The following AHI1 variants were observed in gnomAD, a reference collection of about 807,000 sequenced individuals.
AHI1 encodes Abelson helper integration site 1.
In AHI1, 123 loss-of-function variants were observed where a neutral mutation model predicts 149.3. That is an observed-to-expected ratio of 0.82 (90% CI 0.71 to 0.96). The LOEUF is 0.96. AHI1 is among the 40% of genes least tolerant of loss of function. The pLI is 0.00. For synonymous variants in AHI1, 475 were observed against 459.8 expected (o/e 1.03, Z -0.42); for missense variants, 1,439 against 1,422.7 (o/e 1.01, Z -0.18).
chr6:135,481,455 C>A (rs1177641281), intron 5 of AHI1, among the ~76,000 whole-genome samples: 1 of 152,050 alleles, frequency 6.6e-6, no homozygotes, highest in African/African-American at 2.4e-5. Context: ...AAATCCAAAA[C>A]GCTCAAATGA....
At chr6:135,405,047 C>A in intron 21 of AHI1, 70 bp from the exon 22 acceptor site, 1 of 1,308,490 alleles carries the variant, frequency 7.6e-7, no homozygotes, top group Non-Finnish European at 1.1e-6. Flanking sequence ...GCAAAACACT[C>A]AGATGTTTAT....
intron 21 of AHI1, among the ~76,000 whole-genome samples, chr6:135,405,205 G>A (rs183892613): frequency 1.3e-5 from 2 of 152,200 alleles, no homozygotes; most frequent in Admixed American, 1.3e-4. Flanking sequence ...AAACTCCCGA[G>A]GGCTCACAGG....
chr6:135,350,494 C>G (rs1044157568), intron 24 of AHI1, among the ~76,000 whole-genome samples: 7 of 151,970 alleles, frequency 4.6e-5, no homozygotes, highest in African/African-American at 1.2e-4. Context: ...CTACTGAAGG[C>G]CTATAAGTAG....
At chr6:135,319,874 A>T (rs1786543300) in intron 25 of AHI1, among the ~76,000 whole-genome samples, 1 of 152,206 alleles carries the variant, frequency 6.6e-6, no homozygotes, top group Non-Finnish European at 1.5e-5. Context: ...TTAAGATACA[A>T]AGAGAGTAAG....
In AHI1 at chr6:135,444,062, GA is replaced by G. The variant is rs572792803; in HGVS notation, c.1780-1349del. ...GCCCTATCCACAACAGACACTCAAT[GA>G]AAGTCTGATAACAACAATAAAGGTC... On this transcript the variant is annotated intron_variant, in intron 13 of 28. Transcript: ENST00000265602. Among the ~76,000 whole-genome samples, 37 of 152,242 alleles carry G rather than the reference GA, an allele frequency of 2.4e-4. No homozygotes were observed. In the East Asian group the frequency reaches 6.9e-3, roughly 29 times the overall value.
At chr6:135,404,377 G>A (rs982619745) in intron 22 of AHI1, among the ~76,000 whole-genome samples, 2 of 152,122 alleles carry the variant, frequency 1.3e-5, no homozygotes, top group Non-Finnish European at 2.9e-5. Flanking sequence ...ACCATTTTTA[G>A]ACTAACTTGG....
chr6:135,291,280 C>A (rs1193751613), intron 27 of AHI1, among the ~76,000 whole-genome samples: 1 of 152,168 alleles, frequency 6.6e-6, no homozygotes, highest in Non-Finnish European at 1.5e-5. Context: ...AATAGAGATT[C>A]TTGTGAACCA....
At chr6:135,382,462 A>G (rs1032203684) in intron 23 of AHI1, among the ~76,000 whole-genome samples, 11 of 152,224 alleles carry the variant, frequency 7.2e-5, no homozygotes, top group Non-Finnish European at 2.9e-5. Flanking sequence ...TCAATAAGTG[A>G]TGGATATTCA....
chr6:135,483,728 TA>T (rs1794072663), intron 5 of AHI1, among the ~76,000 whole-genome samples: 1 of 152,246 alleles, frequency 6.6e-6, no homozygotes, highest in Admixed American at 6.5e-5. Context: ...TCTCTTTATT[TA>T]TCAAGCCCCT....
At chr6:135,426,963 C>T (rs1225915332) in intron 20 of AHI1, among the ~76,000 whole-genome samples, 1 of 151,602 alleles carries the variant, frequency 6.6e-6, no homozygotes, top group East Asian at 1.9e-4. Context: ...ATTTAGTTAA[C>T]ATATTCCAAA....
intron 23 of AHI1, among the ~76,000 whole-genome samples, chr6:135,359,680 G>A (rs376946044): frequency 2.0e-5 from 3 of 152,300 alleles, no homozygotes; most frequent in East Asian, 1.9e-4. Context: ...TCAAATGAGA[G>A]TGGTCATGCC....
chr6:135,463,020 T>G, intron 8 of AHI1, 105 bp downstream of exon 8: 1 of 819,764 alleles, frequency 1.2e-6, no homozygotes, highest in Non-Finnish European at 1.8e-6. Context: ...TATCCTATAT[T>G]GAATTATTTT....
At chr6:135,375,629 T>C (rs773111351) in intron 23 of AHI1, among the ~76,000 whole-genome samples, 1 of 152,208 alleles carries the variant, frequency 6.6e-6, no homozygotes, top group Non-Finnish European at 1.5e-5. Context: ...GCCTTTATTA[T>C]TGATAAATGA....
chr6:135,299,467 G>A (rs1451944752), intron 27 of AHI1, among the ~76,000 whole-genome samples: 1 of 152,206 alleles, frequency 6.6e-6, no homozygotes, highest in Non-Finnish European at 1.5e-5. Flanking sequence ...AGCAATGTAC[G>A]TGGGGGTGGT....
intron 23 of AHI1, among the ~76,000 whole-genome samples, chr6:135,392,529 A>G (rs549796740): frequency 6.6e-6 from 1 of 152,322 alleles, no homozygotes; most frequent in Non-Finnish European, 1.5e-5. Flanking sequence ...TTTCTTTTAT[A>G]CTGTCCAAAG....
In AHI1 at chr6:135,442,446, GT is replaced by G. The variant is rs1253625431; in HGVS notation, c.1912+135del. 18 of 938,490 alleles carry G rather than the reference GT, an allele frequency of 1.9e-5. No homozygotes were observed. In the African/African-American group the frequency reaches 3.0e-4, roughly 16 times the overall value. 58.1% of individuals were successfully genotyped at this position (938,490 alleles called of 1,614,324 possible). Reference sequence around the variant, plus strand: ...AAATTATTACAAAAGAACTTTCTTTGTTTGAAGAAATCCGTTTTCTTTAATT... The same window carrying G: ...AAATTATTACAAAAGAACTTTCTTTGTTGAAGAAATCCGTTTTCTTTAATT... On this transcript the variant is annotated intron_variant, in intron 14 of 28. Transcript: ENST00000265602.
intron 22 of AHI1, among the ~76,000 whole-genome samples, chr6:135,400,697 T>C (rs971760048): frequency 6.6e-6 from 1 of 152,204 alleles, no homozygotes; most frequent in East Asian, 1.9e-4. Context: ...CATAAGCAGA[T>C]AGCTACAGAT....
intron 20 of AHI1, among the ~76,000 whole-genome samples, chr6:135,422,769 T>G (rs1783388970): frequency 6.6e-6 from 1 of 151,586 alleles, no homozygotes; most frequent in Non-Finnish European, 1.5e-5. Flanking sequence ...AGATTACAAG[T>G]GTGAGCCACC....
intron 24 of AHI1, among the ~76,000 whole-genome samples, chr6:135,342,221 A>G (rs978481234): frequency 1.3e-4 from 19 of 151,962 alleles, no homozygotes; most frequent in African/African-American, 1.7e-4. Context: ...AAAATCCTAG[A>G]AAGATGCAAC....
Sources: allele counts gnomAD v4.1 joint callset (sites outside exome capture counted in the v4.1 genomes callset), GRCh38; gene constraint gnomAD v4.1.1; transcripts MANE v1.5; gene names NCBI Gene and HGNC (gene_info 2026-07-23, HGNC 2026-07-21).